GRID2: variants seen among roughly 807,000 people sequenced by gnomAD.
The protein encoded by GRID2 is glutamate ionotropic receptor delta type subunit 2, also known as glutamate receptor ionotropic, delta-2.
GRID2 carries 33 observed loss-of-function variants against 114.8 expected under a neutral mutation model. The ratio of observed to expected loss-of-function variants is 0.29; its 90% CI spans 0.22 to 0.38. The LOEUF (loss-of-function observed/expected upper bound fraction) is 0.38. GRID2 is among the 10% of genes least tolerant of loss of function. The probability of loss-of-function intolerance (pLI) is 1.00; values close to 1 mark genes in which losing one functional copy is unlikely to be tolerated. For missense variants in GRID2, 1,184 were observed against 1,257.7 expected, an observed-to-expected ratio of 0.94 and a Z score of 0.89; for synonymous variants, 505 against 449.9, an observed-to-expected ratio of 1.12 and a Z score of -1.55.
chr4:92,466,120 A>T (rs1327192708), intron 1 of GRID2, among the ~76,000 whole-genome samples: 2 of 151,824 alleles, frequency 1.3e-5, no homozygotes, highest in Non-Finnish European at 2.9e-5. Flanking sequence ...TAATTACACT[A>T]TATATAATGG....
chr4:92,315,971 A>C (rs894214322), intron 1 of GRID2, among the ~76,000 whole-genome samples: 4 of 147,680 alleles, frequency 2.7e-5, no homozygotes, highest in African/African-American at 1.0e-4. Context: ...ACTCCAACTC[A>C]AAAAAAAACA....
intron 4 of GRID2, among the ~76,000 whole-genome samples, chr4:93,149,301 G>A (rs1426165198): frequency 2.6e-5 from 4 of 152,036 alleles, no homozygotes; most frequent in African/African-American, 4.8e-5. Context: ...GTGCCAGGCA[G>A]GGTGGCTGAC....
At chr4:92,449,503 A>G (rs751012971) in intron 1 of GRID2, among the ~76,000 whole-genome samples, 2 of 151,506 alleles carry the variant, frequency 1.3e-5, no homozygotes, top group Non-Finnish European at 3.0e-5. Flanking sequence ...CTCCTCTAAA[A>G]TATGTCTTTT....
intron 13 of GRID2, among the ~76,000 whole-genome samples, chr4:93,519,952 C>T (rs1730168686): frequency 6.6e-6 from 1 of 152,070 alleles, no homozygotes; most frequent in Non-Finnish European, 1.5e-5. Context: ...GACTTCAGGG[C>T]CTAGCTCTAA....
Position 92,937,741 on chromosome 4 carries a change from G to GA in GRID2, c.245-147247dup, listed in dbSNP as rs1414320096. On this transcript the variant is annotated intron_variant, in intron 2 of 15. Transcript: ENST00000282020. ...TAACATTTACATTTTAGCAAAAAAAGAAAAAAATCATTGGGATTTCTATAC... is the reference window on the plus strand; with the variant it reads ...TAACATTTACATTTTAGCAAAAAAAGAAAAAAAATCATTGGGATTTCTATAC... Among the ~76,000 whole-genome samples the GA allele has an allele frequency of 1.4e-5, 2 of 146,254 alleles. 1 individual carries two copies. The highest frequency in any genetic ancestry group is 4.9e-5 in the African/African-American group (2 of 41,086).
At chr4:93,593,827 T>A (rs1016147974) in intron 13 of GRID2, among the ~76,000 whole-genome samples, 2 of 152,170 alleles carry the variant, frequency 1.3e-5, no homozygotes, top group Non-Finnish European at 2.9e-5. Context: ...GCTGATACCC[T>A]TTCTTCCAGT....
At chr4:92,686,343 C>T (rs1733905498) in intron 2 of GRID2, among the ~76,000 whole-genome samples, 1 of 151,846 alleles carries the variant, frequency 6.6e-6, no homozygotes, top group Admixed American at 6.6e-5. Flanking sequence ...ATTTTAAATG[C>T]TATTTCTGTT....
At chr4:93,657,996 C>T (rs2149732539) in intron 14 of GRID2, among the ~76,000 whole-genome samples, 1 of 152,184 alleles carries the variant, frequency 6.6e-6, no homozygotes, top group South Asian at 2.1e-4. Context: ...CTGAAATGGA[C>T]CATTCATTTC....
chr4:92,877,777 G>A (rs1745740639), intron 2 of GRID2, among the ~76,000 whole-genome samples: 1 of 152,108 alleles, frequency 6.6e-6, no homozygotes, highest in South Asian at 2.1e-4. Context: ...CACCTTTAGG[G>A]ACAAAGATCA....
chr4:92,497,845 C>T (rs929954625), intron 1 of GRID2, among the ~76,000 whole-genome samples: 5 of 151,776 alleles, frequency 3.3e-5, no homozygotes, highest in South Asian at 2.1e-4. Flanking sequence ...AAAAATTTTA[C>T]GTAAAAGGAT....
intron 13 of GRID2, among the ~76,000 whole-genome samples, chr4:93,547,234 C>G (rs34342111): frequency 0.074 from 11,240 of 152,194 alleles, 579 homozygotes; most frequent in Non-Finnish European, 0.11. Context: ...AATATTATTA[C>G]AAAAATATTT....
intron 2 of GRID2, among the ~76,000 whole-genome samples, chr4:93,036,125 A>C (rs1190300450): frequency 6.6e-6 from 1 of 152,048 alleles, no homozygotes; most frequent in African/African-American, 2.4e-5. Context: ...TTCGGTGGTC[A>C]TTTAGATTTC....
chr4:92,505,061 A>G (rs962830361), intron 1 of GRID2, among the ~76,000 whole-genome samples: 1 of 152,048 alleles, frequency 6.6e-6, no homozygotes. Flanking sequence ...CGAAGATGGC[A>G]TCAAGTAGTA....
At chr4:93,162,303 T>A (rs1192092624) in intron 4 of GRID2, among the ~76,000 whole-genome samples, 1 of 151,976 alleles carries the variant, frequency 6.6e-6, no homozygotes, top group Admixed American at 6.6e-5. Context: ...TTCAAATACA[T>A]TTATTGAAGA....
At chr4:93,207,293 G>T in intron 4 of GRID2, 111 bp from the exon 5 acceptor site, 2 of 787,696 alleles carry the variant, frequency 2.5e-6, no homozygotes, top group South Asian at 1.4e-5. Flanking sequence ...GAGTAACAAA[G>T]ACCTTTCTAA....
At chr4:92,680,656 G>C (rs1382015570) in intron 2 of GRID2, among the ~76,000 whole-genome samples, 1 of 152,102 alleles carries the variant, frequency 6.6e-6, no homozygotes, top group Admixed American at 6.6e-5. Context: ...TGTTATTTTA[G>C]AACAATAATC....
intron 2 of GRID2, among the ~76,000 whole-genome samples, chr4:92,751,744 T>C (rs1490785757): frequency 6.6e-6 from 1 of 152,250 alleles, no homozygotes; most frequent in Non-Finnish European, 1.5e-5. Flanking sequence ...TAATGATTTT[T>C]GACATTCATA....
rs535459665 is a variant in GRID2, at chr4:92,513,784, T to A, written c.89-76347T>A. ...TACTCAGAAATATTTATTGAATGAG[T>A]TGAAGGGTAAATAAATGAATGAATG... On this transcript the variant is annotated intron_variant, in intron 1 of 15. Coordinates refer to ENST00000282020, the MANE Select transcript of GRID2 (RefSeq NM_001510.4). Among the ~76,000 whole-genome samples, 203 of 151,836 alleles carry A rather than the reference T, an allele frequency of 1.3e-3. 1 individual carries two copies. The highest frequency in any genetic ancestry group is 2.3e-3 in the Non-Finnish European group (155 of 67,856).
Position 92,839,767 on chromosome 4 carries a change from TGC to T in GRID2, c.245-245227_245-245226del, listed in dbSNP as rs1370560150. Among the ~76,000 whole-genome samples the T allele has an allele frequency of 2.6e-5, 4 of 152,204 alleles. No individual in the cohort carries two copies. In the East Asian group the frequency reaches 7.8e-4, roughly 30 times the overall value. On this transcript the variant is annotated intron_variant, in intron 2 of 15. Transcript: ENST00000282020. ...GTCTATTCTTTGAGAATGATCTGTG[TGC>T]TGAGGAAAAGAATGTGTATTCTGTA...
Sources: gnomAD v4.1 joint callset for allele counts (sites outside exome capture counted in the v4.1 genomes callset) on GRCh38, gnomAD v4.1.1 for gene constraint, MANE v1.5 for transcripts, NCBI Gene and HGNC (gene_info 2026-07-23, HGNC 2026-07-21) for gene names.